Variants in ZNF407 observed in about 807,000 individuals in gnomAD.
ZNF407 encodes zinc finger protein 407.
ZNF407 carries 17 observed loss-of-function variants against 131.2 expected under a neutral mutation model. That is an observed-to-expected ratio of 0.13 (90% CI 0.09 to 0.19). ZNF407 has a LOEUF of 0.19. Ranked by LOEUF, ZNF407 falls within the 10% of genes least tolerant of loss-of-function variation. The probability of loss-of-function intolerance (pLI) is 1.00; values close to 1 mark genes in which losing one functional copy is unlikely to be tolerated. For synonymous variants in ZNF407, 1,156 were observed against 1,062.0 expected (o/e 1.09, Z -1.72); for missense variants, 2,681 against 2,830.6 (o/e 0.95, Z 1.20).
intron 4 of ZNF407, among the ~76,000 whole-genome samples, chr18:74,846,296 G>T (rs73474486): frequency 0.015 from 2,268 of 151,606 alleles, 41 homozygotes; most frequent in East Asian, 0.074. Flanking sequence ...GAAAAGCATT[G>T]TATTAATAAA....
At chr18:75,062,538 A>G (rs1202472091) in intron 8 of ZNF407, 2 of 146,942 alleles carry the variant, frequency 1.4e-5, no homozygotes, top group Non-Finnish European at 3.0e-5. Context: ...GGACACGGCG[A>G]CTCACATGGC....
rs1310413720 is a variant in ZNF407 at position 74,886,681 on chromosome 18, AT to A, written c.5129-3235del. The stretch of plus-strand genomic sequence containing the variant: ...ATACCATAAGTATCTAGGTGTATAA[AT>A]TGCTAGGAAATGCTAACTAATATAA... On this transcript the variant is annotated intron_variant, in intron 6 of 8. Coordinates refer to ENST00000299687, the MANE Select transcript of ZNF407 (RefSeq NM_017757.3). Among the ~76,000 whole-genome samples, 6 of 152,332 alleles carry A rather than the reference AT, an allele frequency of 3.9e-5. No homozygotes were observed. In the East Asian group the frequency reaches 7.7e-4, roughly 20 times the overall value.
intron 1 of ZNF407, among the ~76,000 whole-genome samples, chr18:74,615,839 G>A (rs952439370): frequency 1.2e-4 from 19 of 152,088 alleles, no homozygotes; most frequent in African/African-American, 4.1e-4. Flanking sequence ...GTGAAAGGTT[G>A]CCAGCAATGG....
chr18:74,903,701 T>TTA (rs1469479041), intron 7 of ZNF407, among the ~76,000 whole-genome samples: 15 of 152,174 alleles, frequency 9.9e-5, no homozygotes, highest in Admixed American at 9.8e-4. Flanking sequence ...GGGTCTATAT[T>TTA]TATTTCAGAG....
intron 8 of ZNF407, among the ~76,000 whole-genome samples, chr18:74,973,507 C>T (rs532196764): frequency 1.1e-4 from 16 of 152,192 alleles, no homozygotes; most frequent in Admixed American, 9.8e-4. Flanking sequence ...CTGTTGGAGG[C>T]GATTACAACA....
intron 3 of ZNF407, among the ~76,000 whole-genome samples, chr18:74,721,770 A>G (rs1311818067): frequency 6.6e-6 from 1 of 151,840 alleles, no homozygotes; most frequent in Non-Finnish European, 1.5e-5. Context: ...TCTTTACCTT[A>G]TGTGTTTTGC....
At chr18:74,778,686 C>T (rs562968530) in intron 3 of ZNF407, among the ~76,000 whole-genome samples, 7 of 152,144 alleles carry the variant, frequency 4.6e-5, no homozygotes, top group African/African-American at 1.7e-4. Context: ...GCTAGTCAAG[C>T]TTAGTGTCAC....
At chr18:75,017,705 T>C (rs561020318) in intron 8 of ZNF407, among the ~76,000 whole-genome samples, 2 of 152,320 alleles carry the variant, frequency 1.3e-5, no homozygotes, top group Admixed American at 6.5e-5. Context: ...CCACCATGTG[T>C]TGTGGTCCAA....
At chr18:74,964,338 G>GAA (rs1972384469) in intron 8 of ZNF407, among the ~76,000 whole-genome samples, 1 of 152,158 alleles carries the variant, frequency 6.6e-6, no homozygotes, top group East Asian at 1.9e-4. Context: ...CCTGATCTTT[G>GAA]AGTTTATCTT....
At position 74,631,577 on chromosome 18, in the gene ZNF407, C is replaced by T. The variant is rs1984083449; in HGVS notation, c.558C>T (p.Leu186=). The T allele has an allele frequency of 2.5e-6, 4 of 1,613,712 alleles. No homozygotes were observed. The East Asian group carries it at 8.9e-5, about 36-fold the overall frequency. ...CCATTGGGAATGTAGATACAGTTCT[C>T]AAATGCAGCATCTGTGGGCATTTGT... ...SCTIGNVDTV[L]KCSICGHLFS... Residue 186 remains leucine (L), a synonymous_variant, in exon 2 of 9, where the codon CTC becomes CTT. Transcript: ENST00000299687.
intron 3 of ZNF407, among the ~76,000 whole-genome samples, chr18:74,690,906 A>T (rs1487836295): frequency 6.6e-6 from 1 of 152,216 alleles, no homozygotes; most frequent in Non-Finnish European, 1.5e-5. Flanking sequence ...TTAGTTGTTC[A>T]GCTTTTCAAT....
chr18:74,728,853 G>GA (rs1968223517), intron 3 of ZNF407, among the ~76,000 whole-genome samples: 3 of 152,192 alleles, frequency 2.0e-5, no homozygotes, highest in Admixed American at 2.0e-4. Context: ...AGTTGAAAGA[G>GA]AACCACTTAA....
At chr18:74,627,967 G>T (rs1258632745) in intron 1 of ZNF407, among the ~76,000 whole-genome samples, 1 of 151,716 alleles carries the variant, frequency 6.6e-6, no homozygotes, top group African/African-American at 2.4e-5. Context: ...CTCAAACTCG[G>T]AGGCTCAAGC....
chr18:74,996,564 G>T (rs1972783078), intron 8 of ZNF407, among the ~76,000 whole-genome samples: 1 of 152,224 alleles, frequency 6.6e-6, no homozygotes, highest in African/African-American at 2.4e-5. Context: ...CAACCTTTGT[G>T]CACAGGCAGA....
At chr18:74,810,431 T>C (rs935334506) in intron 4 of ZNF407, among the ~76,000 whole-genome samples, 3 of 152,046 alleles carry the variant, frequency 2.0e-5, no homozygotes, top group African/African-American at 7.2e-5. Context: ...GTGAAATTCA[T>C]GTGCATTTTA....
chr18:74,701,799 C>G (rs1042668817), intron 3 of ZNF407, among the ~76,000 whole-genome samples: 1 of 152,058 alleles, frequency 6.6e-6, no homozygotes, highest in Non-Finnish European at 1.5e-5. Flanking sequence ...CCCTGTCACC[C>G]CTTCCCCCAA....
At chr18:74,789,646 A>G (rs1969787980) in intron 4 of ZNF407, among the ~76,000 whole-genome samples, 1 of 152,058 alleles carries the variant, frequency 6.6e-6, no homozygotes, top group Non-Finnish European at 1.5e-5. Context: ...AGCCCAGGGA[A>G]AGAGCCTGGG....
At chr18:74,771,197 A>T (rs941396097) in intron 3 of ZNF407, among the ~76,000 whole-genome samples, 1 of 152,174 alleles carries the variant, frequency 6.6e-6, no homozygotes, top group South Asian at 2.1e-4. Flanking sequence ...AGAAATAAAG[A>T]TAATTATTTT....
chr18:74,936,791 T>C (rs1362125386), intron 8 of ZNF407, among the ~76,000 whole-genome samples: 1 of 152,230 alleles, frequency 6.6e-6, no homozygotes, highest in Non-Finnish European at 1.5e-5. Context: ...TCATATGAAC[T>C]TTCTTTAATA....
Sources: gnomAD v4.1 joint callset for allele counts (sites outside exome capture counted in the v4.1 genomes callset) on GRCh38, gnomAD v4.1.1 for gene constraint, MANE v1.5 for transcripts, NCBI Gene and HGNC (gene_info 2026-07-23, HGNC 2026-07-21) for gene names.